The following BANP variants were observed in gnomAD, a reference collection of about 807,000 sequenced individuals.
BANP encodes the protein protein BANP.
In BANP, 11 loss-of-function variants were observed where a neutral mutation model predicts 68.1. That is an observed-to-expected ratio of 0.16 (90% CI 0.10 to 0.27). The LOEUF is 0.27. BANP is among the 10% of genes least tolerant of loss of function. The pLI is 1.00. For synonymous variants in BANP, 329 were observed against 303.2 expected (o/e 1.09, Z -0.88); for missense variants, 504 against 722.7 (o/e 0.70, Z 3.47).
intron 12 of BANP, among the ~76,000 whole-genome samples, chr16:88,067,521 C>T (rs918475677): frequency 1.3e-5 from 2 of 152,178 alleles, no homozygotes; most frequent in African/African-American, 4.8e-5. Context: ...TGCTGCACTG[C>T]CACCGCTCAA....
In BANP at chr16:88,077,098, C is replaced by T. The variant is rs1005630922; in HGVS notation, c.*437C>T. On this transcript the variant is annotated 3_prime_UTR_variant, in exon 14 of 14. Transcript: ENST00000682872. ...AGACGGGAGCCCTTTGCTGTGTGCT[C>T]TGTCCAGTGTCATGAGACGGGAGCC... 2 of 194,654 alleles carry T rather than the reference C, an allele frequency of 1.0e-5. No homozygotes were observed. Among genetic ancestry groups the T allele is most frequent in the Admixed American group, 5.4e-5 (1 of 18,516 alleles). The allele number at this position is 194,654 out of a possible 1,614,324, so 12.1% of individuals were successfully genotyped here.
intron 1 of BANP, among the ~76,000 whole-genome samples, chr16:87,967,098 C>G (rs11117321): frequency 0.64 from 97,156 of 152,066 alleles, 31,431 homozygotes; most frequent in African/African-American, 0.68. Context: ...AAGGGAAGTC[C>G]GTGTCTGATG....
chr16:87,997,693 G>T (rs1450875381), intron 4 of BANP, among the ~76,000 whole-genome samples: 1 of 152,148 alleles, frequency 6.6e-6, no homozygotes, highest in Non-Finnish European at 1.5e-5. Context: ...GTGGTAAAGT[G>T]GGTGAAATAG....
chr16:88,042,102 T>C (rs540961939), intron 11 of BANP, among the ~76,000 whole-genome samples: 61 of 152,362 alleles, frequency 4.0e-4, no homozygotes, highest in Admixed American at 1.0e-3. Flanking sequence ...GGTGACTGCC[T>C]GTGCAAGGCC....
At chr16:87,995,749 C>G (rs1330946235) in intron 4 of BANP, among the ~76,000 whole-genome samples, 1 of 152,246 alleles carries the variant, frequency 6.6e-6, no homozygotes, top group African/African-American at 2.4e-5. Flanking sequence ...CAGCCAGATA[C>G]TGTGGCGTGA....
intron 6 of BANP, 111 bp downstream of exon 6, chr16:88,006,376 G>T: frequency 7.8e-7 from 1 of 1,280,416 alleles, no homozygotes; most frequent in East Asian, 2.6e-5. Flanking sequence ...GCCAGGCGCG[G>T]TGGCTCACGC....
chr16:88,022,111 C>T (rs1157466739), intron 7 of BANP, among the ~76,000 whole-genome samples: 2 of 152,208 alleles, frequency 1.3e-5, no homozygotes, highest in Admixed American at 6.5e-5. Context: ...GCAAAAGTAG[C>T]ATATTATTGC....
intron 12 of BANP, among the ~76,000 whole-genome samples, chr16:88,069,554 C>T (rs555601271): frequency 2.6e-5 from 4 of 152,224 alleles, no homozygotes; most frequent in East Asian, 3.9e-4. Flanking sequence ...GAGAGTGCCT[C>T]GGGGACCCAG....
intron 11 of BANP, among the ~76,000 whole-genome samples, chr16:88,059,701 T>C (rs1015576937): frequency 6.6e-6 from 1 of 152,090 alleles, no homozygotes; most frequent in African/African-American, 2.4e-5. Context: ...TTCTGGGTGC[T>C]TTGGGGCTTC....
chr16:88,024,401 ATGTC>A (rs2152701521), intron 7 of BANP, among the ~76,000 whole-genome samples: 1 of 152,350 alleles, frequency 6.6e-6, no homozygotes, highest in South Asian at 2.1e-4. Flanking sequence ...TTAAAAAAAA[ATGTC>A]TGTCAAATAA....
At position 88,038,024 on chromosome 16, in the gene BANP, G is replaced by A. The variant is rs1429961721; in HGVS notation, c.1311+13G>A. 2.3e-5 allele frequency: 37 copies of A among 1,613,328 alleles called. No homozygotes were observed. The highest frequency in any genetic ancestry group is 3.0e-5 in the Non-Finnish European group (35 of 1,179,498). On this transcript the variant is annotated intron_variant, in intron 11 of 13. Coordinates refer to ENST00000682872, the MANE Select transcript of BANP (RefSeq NM_001386991.1). ...GCAGGACGGTCAGGTGAGTGTCCCA[G>A]TCCCCATGCACATGCGGGCGTTGCG...
At chr16:88,020,905 C>A (rs2075905432) in intron 7 of BANP, among the ~76,000 whole-genome samples, 1 of 152,234 alleles carries the variant, frequency 6.6e-6, no homozygotes, top group Admixed American at 6.5e-5. Context: ...CAGGGCGATA[C>A]TCAGAGCAGA....
At chr16:88,019,594 G>C (rs1260941051) in intron 7 of BANP, among the ~76,000 whole-genome samples, 3 of 19,760 alleles carry the variant, frequency 1.5e-4, no homozygotes, top group Admixed American at 5.8e-4. Context: ...ATCTCGGCGT[G>C]CGGGATCTCA....
chr16:88,025,387 C>T (rs1054500657), intron 7 of BANP, among the ~76,000 whole-genome samples: 12 of 152,208 alleles, frequency 7.9e-5, no homozygotes, highest in East Asian at 1.9e-4. Flanking sequence ...CTTCCTGAGG[C>T]GCCCGAGTCA....
intron 12 of BANP, among the ~76,000 whole-genome samples, chr16:88,068,357 A>G (rs1177512708): frequency 6.6e-6 from 1 of 152,158 alleles, no homozygotes; most frequent in Non-Finnish European, 1.5e-5. Flanking sequence ...GGCGCTTGGG[A>G]GTTACCAGTC....
At chr16:88,024,188 TC>T (rs752128059) in intron 7 of BANP, among the ~76,000 whole-genome samples, 4 of 152,064 alleles carry the variant, frequency 2.6e-5, no homozygotes, top group Non-Finnish European at 4.4e-5. Flanking sequence ...GTTCTTCCCG[TC>T]TCCCCGAGCA....
intron 1 of BANP, among the ~76,000 whole-genome samples, chr16:87,958,042 C>T (rs1235267465): frequency 6.6e-6 from 1 of 152,184 alleles, no homozygotes; most frequent in African/African-American, 2.4e-5. Flanking sequence ...AGGCTGGGTG[C>T]CCTGTTTCCC....
intron 1 of BANP, among the ~76,000 whole-genome samples, chr16:87,974,451 C>T (rs2061663551): frequency 6.6e-6 from 1 of 152,170 alleles, no homozygotes; most frequent in African/African-American, 2.4e-5. Context: ...TGCTCGGGCT[C>T]AGGACAGAAC....
chr16:87,991,431 G>C (rs973034392), intron 4 of BANP, among the ~76,000 whole-genome samples: 17 of 152,202 alleles, frequency 1.1e-4, no homozygotes, highest in African/African-American at 4.1e-4. Flanking sequence ...TCTAGTTTTA[G>C]AATAACTCAG....
Sources: allele counts gnomAD v4.1 joint callset (sites outside exome capture counted in the v4.1 genomes callset), GRCh38; gene constraint gnomAD v4.1.1; transcripts MANE v1.5; gene names NCBI Gene and HGNC (gene_info 2026-07-23, HGNC 2026-07-21).